The following ABCC4 variants were observed in gnomAD, a reference collection of about 807,000 sequenced individuals.
The protein encoded by ABCC4 is ATP binding cassette subfamily C member 4 (PEL blood group).
Under a neutral mutation model 168.5 loss-of-function variants are expected in ABCC4, and 102 were observed. That is an observed-to-expected ratio of 0.61 (90% confidence interval 0.52 to 0.71). The LOEUF (loss-of-function observed/expected upper bound fraction) is 0.71. Ranked by LOEUF, ABCC4 falls within the 30% of genes least tolerant of loss-of-function variation. ABCC4 has a pLI of 0.00. For synonymous variants in ABCC4, 617 were observed against 590.7 expected (o/e 1.04, Z -0.65); for missense variants, 1,402 against 1,605.8 (o/e 0.87, Z 2.17).
chr13:95,134,293 T>C lies in ABCC4; in HGVS notation c.2456-18292A>G, dbSNP rs538267416. Among the ~76,000 whole-genome samples the C allele has an allele frequency of 7.2e-5, 11 of 152,248 alleles. No individual in the cohort carries two copies. The South Asian group carries it at 1.2e-3, about 17-fold the overall frequency. On this transcript the variant is annotated intron_variant, in intron 19 of 30. Coordinates refer to ENST00000645237, the MANE Select transcript of ABCC4 (RefSeq NM_005845.5). ...AAGACAGTGACGTACAAACATTCTC[T>C]ATACTTCCAGGGGATGTGTTTCTAG...
intron 4 of ABCC4, among the ~76,000 whole-genome samples, chr13:95,211,778 G>GA (rs1289967337): frequency 6.6e-6 from 1 of 152,076 alleles, no homozygotes; most frequent in Non-Finnish European, 1.5e-5. Context: ...GGAAGGAGGA[G>GA]AATGAGTTGC....
At chr13:95,118,077 C>T (rs894840691) in intron 19 of ABCC4, among the ~76,000 whole-genome samples, 3 of 152,060 alleles carry the variant, frequency 2.0e-5, no homozygotes, top group Admixed American at 6.6e-5. Flanking sequence ...TGAGAAAGCC[C>T]ACCTCCTCAC....
chr13:95,167,765 T>C (rs150032691), intron 14 of ABCC4, among the ~76,000 whole-genome samples: 1 of 151,838 alleles, frequency 6.6e-6, no homozygotes, highest in Non-Finnish European at 1.5e-5. Context: ...GCAGAGTGGG[T>C]TCCGAGGGGG....
intron 19 of ABCC4, among the ~76,000 whole-genome samples, chr13:95,160,429 G>T (rs1429952340): frequency 1.3e-5 from 2 of 152,196 alleles, no homozygotes; most frequent in African/African-American, 4.8e-5. Context: ...GGTCAGGAAG[G>T]CTAGCCTCAG....
rs1220806323 is a variant in ABCC4, at chr13:95,215,470, A to G, written c.532-4689T>C. Among the ~76,000 whole-genome samples, 3 of 152,238 alleles carry G rather than the reference A, an allele frequency of 2.0e-5. No individual in the cohort carries two copies. In the East Asian group the frequency reaches 5.8e-4, roughly 29 times the overall value. On this transcript the variant is annotated intron_variant, in intron 4 of 30. Coordinates refer to ENST00000645237, the MANE Select transcript of ABCC4 (RefSeq NM_005845.5). Reference sequence around the variant, plus strand: ...AAACAACTAGCTGCTTAGAGCAAAAATGGTAATGGTGCATTTTGGAGACAG... The same window carrying G: ...AAACAACTAGCTGCTTAGAGCAAAAGTGGTAATGGTGCATTTTGGAGACAG...
At chr13:95,203,492 G>T (rs1377664413) in intron 8 of ABCC4, among the ~76,000 whole-genome samples, 1 of 151,786 alleles carries the variant, frequency 6.6e-6, no homozygotes, top group Non-Finnish European at 1.5e-5. Flanking sequence ...TCAGGAGCTG[G>T]GATTACAGGC....
rs553921616 is a variant in ABCC4 at position 95,214,669 on chromosome 13, C to T, written c.532-3888G>A. ...GGGTGGTTGAGGCGGGCAGATCACT[C>T]GAGCCCAGGACTTCGAGACCAGCCT... On this transcript the variant is annotated intron_variant, in intron 4 of 30. Coordinates refer to ENST00000645237, the MANE Select transcript of ABCC4 (RefSeq NM_005845.5). Among the ~76,000 whole-genome samples, 11 of 151,960 alleles carry T rather than the reference C, an allele frequency of 7.2e-5. No individual in the cohort carries two copies. In the South Asian group the frequency reaches 2.1e-3, roughly 29 times the overall value.
rs1454956307 is a variant in ABCC4, at chr13:95,247,753, C to A, written c.75G>T (p.Trp25Cys). The change falls in exon 2 of 31, where the codon TGG becomes TGT. Residue 25 changes from tryptophan (W) to cysteine (C), a missense_variant and splice_region_variant. By Grantham distance (215) the Trp-to-Cys change is radical. Around this residue, in one of 3 missense-constraint regions of ABCC4, gnomAD observed 317 missense variants for 345.5 expected, o/e 0.92. Coordinates refer to ENST00000645237, the MANE Select transcript of ABCC4 (RefSeq NM_005845.5). ...CAATTTTAAACAAGGGATTGAGCCA[C>A]CTGTTAACAAGAGAAAAGAGACATA... ...DANLCSRVFF[W>C]WLNPLFKIGH... The A allele has an allele frequency of 1.2e-6, 2 of 1,608,790 alleles. No homozygotes were observed. The highest frequency in any genetic ancestry group is 2.2e-5 in the East Asian group (1 of 44,864).
chr13:95,173,682 G>A (rs1253611005), intron 13 of ABCC4, among the ~76,000 whole-genome samples: 1 of 152,148 alleles, frequency 6.6e-6, no homozygotes, highest in African/African-American at 2.4e-5. Context: ...TAAAAGTAGG[G>A]GAGTCCTAGA....
chr13:95,292,296 T>C (rs2041423080), intron 1 of ABCC4, among the ~76,000 whole-genome samples: 2 of 152,098 alleles, frequency 1.3e-5, no homozygotes, highest in Admixed American at 6.6e-5. Context: ...GAGGTGAAAG[T>C]TGCAGTGAAC....
rs72559754 is a variant in ABCC4 at position 95,188,456 on chromosome 13, C to T, written c.1350G>A (p.Gly450=). ...LLAVVGPVGA[G]KSSLLSAVLG... ...GCCAAAAGCCATTCTAACTCACCTT[C>T]CCTGCTCCCACGGGGCCGACCACAG... Residue 450 remains glycine (G), a synonymous_variant, in exon 10 of 31, where the codon GGG becomes GGA. Transcript: ENST00000645237. 3 of 1,614,188 alleles carry T rather than the reference C, an allele frequency of 1.9e-6. No individual in the cohort carries two copies. Among genetic ancestry groups the T allele is most frequent in the African/African-American group, 2.7e-5 (2 of 75,060 alleles).
At chr13:95,193,344 C>T (rs960263481) in intron 9 of ABCC4, among the ~76,000 whole-genome samples, 1 of 152,204 alleles carries the variant, frequency 6.6e-6, no homozygotes, top group Non-Finnish European at 1.5e-5. Flanking sequence ...TTTTAAGCAG[C>T]CTGAGCTGTT....
chr13:95,246,455 C>G (rs1464450942), intron 3 of ABCC4, among the ~76,000 whole-genome samples: 1 of 152,180 alleles, frequency 6.6e-6, no homozygotes, highest in Non-Finnish European at 1.5e-5. Flanking sequence ...TCTGTTTCCC[C>G]GAGAGGGGAG....
At chr13:95,112,833 G>T (rs953728512) in intron 20 of ABCC4, among the ~76,000 whole-genome samples, 1 of 151,960 alleles carries the variant, frequency 6.6e-6, no homozygotes, top group East Asian at 1.9e-4. Flanking sequence ...CCCAGGGCCC[G>T]TGATGTCAGC....
chr13:95,089,785 AC>A (rs2034373078), intron 20 of ABCC4, among the ~76,000 whole-genome samples: 1 of 151,794 alleles, frequency 6.6e-6, no homozygotes, highest in African/African-American at 2.4e-5. Context: ...TGGCAAGAAA[AC>A]ACCAGGGCTT....
intron 19 of ABCC4, among the ~76,000 whole-genome samples, chr13:95,160,389 T>G (rs550341540): frequency 6.6e-6 from 1 of 152,158 alleles, no homozygotes; most frequent in Admixed American, 6.6e-5. Flanking sequence ...TGGGGACTTA[T>G]AGGCACAACT....
At chr13:95,044,154 G>GTTAT (rs1332988113) in intron 28 of ABCC4, 112 bp downstream of exon 28, 17 of 1,085,382 alleles carry the variant, frequency 1.6e-5, no homozygotes, top group Non-Finnish European at 2.1e-5. Flanking sequence ...ATGTTAAAAT[G>GTTAT]TTATGTCTGG....
chr13:95,178,576 A>T (rs2037787497), intron 11 of ABCC4, among the ~76,000 whole-genome samples: 1 of 152,206 alleles, frequency 6.6e-6, no homozygotes, highest in African/African-American at 2.4e-5. Context: ...CAGGGGATGG[A>T]CTGGCTGGCA....
intron 3 of ABCC4, among the ~76,000 whole-genome samples, chr13:95,242,925 T>C (rs1431821139): frequency 6.6e-6 from 1 of 152,192 alleles, no homozygotes; most frequent in Non-Finnish European, 1.5e-5. Context: ...GGAAGAGCTT[T>C]AGCTCCCTGA....
Sources: allele counts gnomAD v4.1 joint callset (sites outside exome capture counted in the v4.1 genomes callset), GRCh38; gene constraint gnomAD v4.1.1; regional missense constraint gnomAD v4.1.1; transcripts MANE v1.5; gene names NCBI Gene and HGNC (gene_info 2026-07-23, HGNC 2026-07-21).